The following COG5 variants were observed in gnomAD, a reference collection of about 807,000 sequenced individuals.
The protein encoded by COG5 is conserved oligomeric Golgi complex subunit 5.
Under a neutral mutation model 110.4 loss-of-function variants are expected in COG5, and 86 were observed. The observed-to-expected ratio is 0.78, with a 90% CI of 0.65 to 0.93. The LOEUF (loss-of-function observed/expected upper bound fraction) is 0.93. Among genes scored for constraint, COG5 ranks in the 40% least tolerant of loss-of-function variants. COG5 has a pLI of 0.00. For missense variants in COG5, 1,077 were observed against 987.0 expected (o/e 1.09, Z -1.22); for synonymous variants, 360 against 334.6 (o/e 1.08, Z -0.83).
intron 1 of COG5, 163 bp downstream of exon 1, chr7:107,563,640 T>C: frequency 1.3e-6 from 1 of 762,392 alleles, no homozygotes; most frequent in Non-Finnish European, 2.3e-6. Context: ...AGTAAATAGG[T>C]TGGCTAGAAC....
chr7:107,560,624 C>T (rs1410541049), intron 1 of COG5, among the ~76,000 whole-genome samples: 1 of 152,132 alleles, frequency 6.6e-6, no homozygotes, highest in Admixed American at 6.5e-5. Flanking sequence ...ACATAGTAAA[C>T]ACAGATAACA....
intron 6 of COG5, among the ~76,000 whole-genome samples, chr7:107,498,771 C>T (rs184395390): frequency 1.3e-4 from 20 of 152,188 alleles, no homozygotes; most frequent in South Asian, 2.1e-4. Flanking sequence ...AATTACTATA[C>T]GATCCAGCAG....
chr7:107,365,365 A>C (rs868653735), intron 8 of COG5, among the ~76,000 whole-genome samples: 13 of 152,056 alleles, frequency 8.5e-5, no homozygotes, highest in Non-Finnish European at 1.5e-4. Context: ...CAAAGACACA[A>C]ACAATCAAAC....
At chr7:107,496,075 C>T (rs1263050120) in intron 6 of COG5, among the ~76,000 whole-genome samples, 4 of 151,930 alleles carry the variant, frequency 2.6e-5, no homozygotes, top group African/African-American at 9.7e-5. Context: ...TGCCACCATA[C>T]CCAGTTGGAC....
At chr7:107,241,039 G>C (rs926689378) in intron 17 of COG5, among the ~76,000 whole-genome samples, 2 of 152,226 alleles carry the variant, frequency 1.3e-5, no homozygotes, top group Admixed American at 6.5e-5. Flanking sequence ...ATCAGTTGAA[G>C]AAACAGTTTG....
intron 11 of COG5, among the ~76,000 whole-genome samples, chr7:107,310,925 A>C (rs959004798): frequency 6.9e-5 from 10 of 145,392 alleles, no homozygotes; most frequent in Non-Finnish European, 6.1e-5. Context: ...GCACATATGT[A>C]AAAAAAAAAA....
intron 6 of COG5, among the ~76,000 whole-genome samples, chr7:107,445,384 T>G (rs970102356): frequency 6.6e-6 from 1 of 152,178 alleles, no homozygotes; most frequent in Non-Finnish European, 1.5e-5. Context: ...AAAAGATTCT[T>G]CAACTAAACT....
intron 11 of COG5, among the ~76,000 whole-genome samples, chr7:107,313,258 A>C (rs987124602): frequency 1.5e-4 from 23 of 152,314 alleles, no homozygotes; most frequent in Non-Finnish European, 3.1e-4. Flanking sequence ...AATGAAAGGC[A>C]AACTGAGTGT....
At chr7:107,355,388 TAC>T in intron 10 of COG5, among the ~76,000 whole-genome samples, 1 of 152,242 alleles carries the variant, frequency 6.6e-6, no homozygotes, top group East Asian at 1.9e-4. Flanking sequence ...AGTCTAACAA[TAC>T]AGTCAGCAAG....
At chr7:107,512,594 T>A (rs1201729856) in intron 6 of COG5, among the ~76,000 whole-genome samples, 9 of 152,262 alleles carry the variant, frequency 5.9e-5, no homozygotes, top group African/African-American at 2.2e-4. Context: ...GCCAAGTCAA[T>A]CCTAAGCCAA....
chr7:107,530,885 C>T (rs1408804360), intron 5 of COG5, among the ~76,000 whole-genome samples: 5 of 152,048 alleles, frequency 3.3e-5, no homozygotes, highest in Non-Finnish European at 7.4e-5. Flanking sequence ...GAAAACCACA[C>T]TCAGAGATAC....
At chr7:107,375,592 T>TA (rs2129051168) in intron 7 of COG5, among the ~76,000 whole-genome samples, 1 of 152,170 alleles carries the variant, frequency 6.6e-6, no homozygotes, top group East Asian at 1.9e-4. Flanking sequence ...CTATGATGAC[T>TA]AAAAAACTGA....
rs1290861559 is a variant in COG5 at position 107,341,465 on chromosome 7, G to A, written c.1027-16944C>T. ...ATCATACTGCCCAAAGTAATCTACA[G>A]ACTCAACACTATTCCTATCAAACTA... On this transcript the variant is annotated intron_variant, in intron 10 of 21. Transcript: ENST00000297135. Among the ~76,000 whole-genome samples the A allele has an allele frequency of 3.3e-5, 5 of 152,038 alleles. No homozygotes were observed. The South Asian group carries it at 1.0e-3, about 32-fold the overall frequency.
At chr7:107,287,134 A>T (rs1309679662) in intron 12 of COG5, among the ~76,000 whole-genome samples, 1 of 152,210 alleles carries the variant, frequency 6.6e-6, no homozygotes, top group Non-Finnish European at 1.5e-5. Flanking sequence ...TTTCAAAGAC[A>T]GTTTACTGGC....
chr7:107,452,431 C>T (rs910441371), intron 6 of COG5, among the ~76,000 whole-genome samples: 3 of 152,136 alleles, frequency 2.0e-5, no homozygotes, highest in Admixed American at 1.3e-4. Context: ...ATTGTAACTC[C>T]CACAGTTCCC....
intron 18 of COG5, among the ~76,000 whole-genome samples, chr7:107,232,085 T>A (rs988539389): frequency 6.6e-6 from 1 of 152,206 alleles, no homozygotes; most frequent in East Asian, 1.9e-4. Flanking sequence ...ATTAAAGACA[T>A]GGATTGCATA....
intron 11 of COG5, among the ~76,000 whole-genome samples, chr7:107,299,873 A>AATATATGT (rs1807107425): frequency 8.0e-6 from 1 of 124,454 alleles, no homozygotes; most frequent in Non-Finnish European, 1.7e-5. Context: ...AATTATCTGG[A>AATATATGT]ATATATATAT....
At chr7:107,542,617 C>T (rs1802118551) in intron 5 of COG5, among the ~76,000 whole-genome samples, 1 of 152,072 alleles carries the variant, frequency 6.6e-6, no homozygotes, top group Admixed American at 6.5e-5. Context: ...TGGAAACAAT[C>T]CAAATTCCAT....
intron 6 of COG5, among the ~76,000 whole-genome samples, chr7:107,462,882 A>T (rs1485703453): frequency 6.6e-6 from 1 of 152,338 alleles, no homozygotes; most frequent in East Asian, 1.9e-4. Flanking sequence ...TCCCAAAGAA[A>T]AGTTGTTTTA....
Sources: allele counts gnomAD v4.1 joint callset (sites outside exome capture counted in the v4.1 genomes callset), GRCh38; gene constraint gnomAD v4.1.1; transcripts MANE v1.5; gene names NCBI Gene and HGNC (gene_info 2026-07-23, HGNC 2026-07-21).